XXYLT1: variants seen among roughly 807,000 people sequenced by gnomAD.
The protein encoded by XXYLT1 is UDP-xylose:alpha-xyloside alpha-1,3-xylosyltransferase.
A neutral mutation model predicts 28.9 loss-of-function variants in XXYLT1; 20 were observed. The observed-to-expected ratio is 0.69, with a 90% CI of 0.49 to 1.00. The LOEUF is 1.00. Among genes scored for constraint, XXYLT1 ranks in the 50% least tolerant of loss-of-function variants. XXYLT1 has a pLI of 0.00. For missense variants in XXYLT1, 542 were observed against 560.1 expected, an observed-to-expected ratio of 0.97 and a Z score of 0.33; for synonymous variants, 257 against 253.8, an observed-to-expected ratio of 1.01 and a Z score of -0.12.
chr3:195,118,000 A>T (rs1454693889), intron 3 of XXYLT1, among the ~76,000 whole-genome samples: 1 of 152,192 alleles, frequency 6.6e-6, no homozygotes, highest in African/African-American at 2.4e-5. Context: ...GCTGAATTTC[A>T]CCCCTTAACG....
Position 195,150,898 on chromosome 3 carries a change from T to C in XXYLT1, c.785+5551A>G, listed in dbSNP as rs78765088. Among the ~76,000 whole-genome samples, 36,770 of 150,702 alleles carry C rather than the reference T, an allele frequency of 0.24. 5,268 individuals are homozygous for C. The highest frequency in any genetic ancestry group is 0.56 in the East Asian group (2,815 of 5,018). Reference sequence around the variant, plus strand: ...CTCCCTCTCCCTCTCCCTCTCTCTCTCTCCATCACTCCAGGGTCAGCAGGA... The same window carrying C: ...CTCCCTCTCCCTCTCCCTCTCTCTCCCTCCATCACTCCAGGGTCAGCAGGA... On this transcript the variant is annotated intron_variant, in intron 3 of 3. Coordinates refer to ENST00000310380, the MANE Select transcript of XXYLT1 (RefSeq NM_152531.5). The surrounding 1 kb of genome is among the most constrained non-coding windows in gnomAD (Gnocchi z 4.7).
chr3:195,268,896 C>G (rs1725929402), intron 1 of XXYLT1, among the ~76,000 whole-genome samples: 1 of 152,162 alleles, frequency 6.6e-6, no homozygotes, highest in South Asian at 2.1e-4. Context: ...CTAAGAGTGC[C>G]AGGCATTGTA....
rs1718523810 is a variant in XXYLT1 at position 195,124,633 on chromosome 3, A to G, written c.785+31816T>C. 6.6e-6 allele frequency among the ~76,000 whole-genome samples: 1 copy of G among 152,210 alleles called. No individual in the cohort carries two copies. The highest frequency in any genetic ancestry group is 1.5e-5 in the Non-Finnish European group (1 of 68,034). ...GTGCTCAGGAAATATTTGCTGACAG[A>G]CTGATAAACTAATGAGCACATGCCT... On this transcript the variant is annotated intron_variant, in intron 3 of 3. Coordinates refer to ENST00000310380, the MANE Select transcript of XXYLT1 (RefSeq NM_152531.5). This position sits in a 1 kb window ranked among gnomAD's most constrained non-coding sequence, Gnocchi z 4.1.
At chr3:195,204,544 C>A (rs149712741) in intron 2 of XXYLT1, among the ~76,000 whole-genome samples, 357 of 151,764 alleles carry the variant, frequency 2.4e-3, no homozygotes, top group Non-Finnish European at 3.8e-3. Context: ...TGCTGGCCAG[C>A]CAGCCAGCCA....
At position 195,133,650 on chromosome 3, in the gene XXYLT1, C is replaced by T. The variant is rs147925458; in HGVS notation, c.785+22799G>A. Among the ~76,000 whole-genome samples, 1,954 of 152,304 alleles carry T rather than the reference C, an allele frequency of 0.013. 17 individuals are homozygous for T. Among genetic ancestry groups the T allele is most frequent in the Middle Eastern group, 0.034 (10 of 294 alleles). On this transcript the variant is annotated intron_variant, in intron 3 of 3. Coordinates refer to ENST00000310380, the MANE Select transcript of XXYLT1 (RefSeq NM_152531.5). The surrounding 1 kb of genome is among the most constrained non-coding windows in gnomAD (Gnocchi z 4.4). ...CCAAACGCTCCCAGATGCACACTCT[C>T]GGCAACTTGTTGCCATGCAGCATTG...
chr3:195,191,649 GA>G (rs2108752354), intron 2 of XXYLT1, among the ~76,000 whole-genome samples: 1 of 152,282 alleles, frequency 6.6e-6, no homozygotes, highest in African/African-American at 2.4e-5. Flanking sequence ...CAAAGACACA[GA>G]CAAGTTTAAA....
At position 195,077,632 on chromosome 3, in the gene XXYLT1, G is replaced by T. The variant is rs1715197253; in HGVS notation, c.786-7521C>A. 6.6e-6 allele frequency among the ~76,000 whole-genome samples: 1 copy of T among 152,210 alleles called. No individual in the cohort carries two copies. The highest frequency in any genetic ancestry group is 2.4e-5 in the African/African-American group (1 of 41,460). Reference sequence around the variant, plus strand: ...GCCCATCTCTGTGGGGCCCTGTAAAGCGCGGCCTGGGGCTGGACGTCGTAG... The same window carrying T: ...GCCCATCTCTGTGGGGCCCTGTAAATCGCGGCCTGGGGCTGGACGTCGTAG... On this transcript the variant is annotated intron_variant, in intron 3 of 3. Coordinates refer to ENST00000310380, the MANE Select transcript of XXYLT1 (RefSeq NM_152531.5). This position sits in a 1 kb window ranked among gnomAD's most constrained non-coding sequence, Gnocchi z 4.8.
intron 1 of XXYLT1, among the ~76,000 whole-genome samples, chr3:195,228,783 C>T (rs1300864382): frequency 6.6e-5 from 10 of 151,754 alleles, no homozygotes; most frequent in African/African-American, 1.5e-4. Context: ...CCACCACACC[C>T]GGCCTATTTC....
At chr3:195,216,484 C>T (rs1723580272) in intron 2 of XXYLT1, among the ~76,000 whole-genome samples, 1 of 150,340 alleles carries the variant, frequency 6.7e-6, no homozygotes, top group South Asian at 2.2e-4. Flanking sequence ...GGGGATATCA[C>T]CACCGATCCC....
chr3:195,269,640 C>A (rs1175294268), intron 1 of XXYLT1, among the ~76,000 whole-genome samples: 1 of 152,196 alleles, frequency 6.6e-6, no homozygotes, highest in African/African-American at 2.4e-5. Flanking sequence ...GGCAACAGCT[C>A]CCCTAGTCAC....
intron 1 of XXYLT1, among the ~76,000 whole-genome samples, chr3:195,231,676 T>C (rs2108809136): frequency 6.6e-6 from 1 of 152,288 alleles, no homozygotes; most frequent in East Asian, 1.9e-4. Flanking sequence ...TGATATGATG[T>C]ATCACACTGA....
chr3:195,222,889 G>A (rs1204919110), intron 2 of XXYLT1, among the ~76,000 whole-genome samples: 2 of 152,056 alleles, frequency 1.3e-5, no homozygotes, highest in Non-Finnish European at 2.9e-5. Context: ...TTGCCTAAAT[G>A]TTTAAAAAGC....
At chr3:195,247,919 A>G in intron 1 of XXYLT1, 1 of 637,552 alleles carries the variant, frequency 1.6e-6, no homozygotes, top group South Asian at 1.7e-5. Flanking sequence ...ACTGACTCTC[A>G]CGAGAAGAGC....
At chr3:195,163,827 TC>T (rs766483796) in intron 2 of XXYLT1, among the ~76,000 whole-genome samples, 13 of 152,352 alleles carry the variant, frequency 8.5e-5, no homozygotes, top group Admixed American at 2.0e-4. Context: ...TCAAGGTACC[TC>T]ATGGTGCAAG....
At chr3:195,192,307 C>T (rs1722456533) in intron 2 of XXYLT1, among the ~76,000 whole-genome samples, 1 of 151,966 alleles carries the variant, frequency 6.6e-6, no homozygotes, top group African/African-American at 2.4e-5. Flanking sequence ...CACCAGTAGT[C>T]CCAGCTACTT....
At chr3:195,227,448 G>C (rs1724106797) in intron 1 of XXYLT1, among the ~76,000 whole-genome samples, 1 of 152,180 alleles carries the variant, frequency 6.6e-6, no homozygotes, top group South Asian at 2.1e-4. Context: ...CATTTCTTGA[G>C]TATCACTGAC....
intron 3 of XXYLT1, among the ~76,000 whole-genome samples, chr3:195,072,691 G>A (rs142575731): frequency 6.6e-6 from 1 of 152,286 alleles, no homozygotes; most frequent in East Asian, 1.9e-4. Context: ...TGTGTGTGCT[G>A]CAGCAGAAAC....
intron 1 of XXYLT1, chr3:195,259,492 G>A: frequency 2.5e-6 from 2 of 809,624 alleles, no homozygotes; most frequent in South Asian, 5.6e-5. Flanking sequence ...AGGGCAGCAG[G>A]GAGGCCTTCG....
intron 3 of XXYLT1, among the ~76,000 whole-genome samples, chr3:195,149,364 T>C (rs57750973): frequency 0.21 from 31,539 of 152,150 alleles, 3,794 homozygotes; most frequent in East Asian, 0.57. Flanking sequence ...GGAAAGGGCA[T>C]AGTCGGCTTG....
Sources: gnomAD v4.1 joint callset for allele counts (sites outside exome capture counted in the v4.1 genomes callset) on GRCh38, gnomAD v4.1.1 for gene constraint, Gnocchi (gnomAD v3.1) non-coding constraint, MANE v1.5 for transcripts, NCBI Gene and HGNC (gene_info 2026-07-23, HGNC 2026-07-21) for gene names.